The following AK4 variants were observed in gnomAD, a reference collection of about 807,000 sequenced individuals.
AK4 encodes adenylate kinase 4, also known as adenylate kinase 4, mitochondrial.
A neutral mutation model predicts 24.6 loss-of-function variants in AK4; 13 were observed. That is an observed-to-expected ratio of 0.53 (90% CI 0.34 to 0.84). The LOEUF is 0.84. AK4 is among the 40% of genes least tolerant of loss of function. The pLI is 0.01. For synonymous variants in AK4, 88 were observed against 107.0 expected (o/e 0.82, Z 1.10); for missense variants, 192 against 288.2 (o/e 0.67, Z 2.42).
intron 1 of AK4, among the ~76,000 whole-genome samples, chr1:65,171,986 C>G (rs953276211): frequency 5.4e-5 from 8 of 147,544 alleles, no homozygotes; most frequent in Non-Finnish European, 1.2e-4. Flanking sequence ...TGCTTGAACC[C>G]AGGCGCAGAG....
intron 1 of AK4, among the ~76,000 whole-genome samples, chr1:65,172,601 G>A (rs939490783): frequency 3.3e-5 from 5 of 152,016 alleles, no homozygotes; most frequent in African/African-American, 9.7e-5. Context: ...CACTACAGGC[G>A]GTTTGATTTA....
intron 2 of AK4, among the ~76,000 whole-genome samples, chr1:65,212,380 T>C (rs1208186442): frequency 6.6e-6 from 1 of 152,034 alleles, no homozygotes; most frequent in Non-Finnish European, 1.5e-5. Context: ...CACTGCAACC[T>C]CTGCCTCCTG....
intron 2 of AK4, among the ~76,000 whole-genome samples, chr1:65,193,101 G>A (rs535223645): frequency 6.6e-6 from 1 of 152,328 alleles, no homozygotes; most frequent in South Asian, 2.1e-4. Flanking sequence ...AGTTCCACTG[G>A]GCATTGTCCT....
intron 1 of AK4, chr1:65,148,975 A>G: frequency 6.6e-6 from 1 of 152,510 alleles, no homozygotes; most frequent in Non-Finnish European, 1.5e-5. Context: ...CCAGAGGCGG[A>G]GCGCCGCCCA....
chr1:65,154,048 T>C (rs1173723566), intron 1 of AK4, among the ~76,000 whole-genome samples: 4 of 152,178 alleles, frequency 2.6e-5, no homozygotes, highest in Non-Finnish European at 4.4e-5. Context: ...GGGTTTTCCA[T>C]AGGACAATGA....
chr1:65,225,007 G>A (rs1652411654), intron 4 of AK4, 137 bp downstream of exon 4: 6 of 605,034 alleles, frequency 9.9e-6, no homozygotes, highest in Non-Finnish European at 1.2e-5. Flanking sequence ...CTTCCCAGAA[G>A]TCAGATGAAA....
chr1:65,208,454 T>A (rs984886873), intron 2 of AK4, among the ~76,000 whole-genome samples: 1 of 152,190 alleles, frequency 6.6e-6, no homozygotes. Flanking sequence ...TGTGGAAGAA[T>A]AACCAACCAC....
chr1:65,227,014 T>TG lies in AK4; in HGVS notation c.*838dup, dbSNP rs1411635072. Reference sequence around the variant, plus strand: ...TTGACACTGTTCCTTTCTTTTATTGTGAAAAAAAAAAAAAACCCTGAAAGT... The same window carrying TG: ...TTGACACTGTTCCTTTCTTTTATTGTGGAAAAAAAAAAAAAACCCTGAAAGT... On this transcript the variant is annotated 3_prime_UTR_variant, in exon 5 of 5. Transcript: ENST00000327299. 13 of 71,306 alleles carry TG rather than the reference T, an allele frequency of 1.8e-4. No individual in the cohort carries two copies. In the East Asian group the frequency reaches 6.0e-3, roughly 33 times the overall value. 4.4% of individuals were successfully genotyped at this position (71,306 alleles called of 1,614,324 possible).
At chr1:65,199,377 A>G (rs1354101386) in intron 2 of AK4, among the ~76,000 whole-genome samples, 1 of 152,062 alleles carries the variant, frequency 6.6e-6, no homozygotes, top group Non-Finnish European at 1.5e-5. Flanking sequence ...GTGAAACCCC[A>G]TCTTTATTAA....
In AK4 at chr1:65,148,391, C is replaced by T. The variant is rs764043259; in HGVS notation, c.-17C>T. 2.7e-5 allele frequency: 41 copies of T among 1,527,176 alleles called. No homozygotes were observed. The highest frequency in any genetic ancestry group is 1.4e-5 in the African/African-American group (1 of 71,386). The allele number at this position is 1,527,176 out of a possible 1,614,324, so 94.6% of individuals were successfully genotyped here. ...GTCGGGGCTGCGCGTTTGACCGCCCCCCTCCTCGCGAAGGCAATGGCTTCC... is the reference window on the plus strand; with the variant it reads ...GTCGGGGCTGCGCGTTTGACCGCCCTCCTCCTCGCGAAGGCAATGGCTTCC... On this transcript the variant is annotated 5_prime_UTR_variant, in exon 1 of 5. Transcript: ENST00000327299.
intron 2 of AK4, among the ~76,000 whole-genome samples, chr1:65,200,856 G>A (rs981551097): frequency 1.3e-5 from 2 of 151,536 alleles, no homozygotes; most frequent in East Asian, 3.9e-4. Context: ...GTGCAATGGC[G>A]CGATCTTGGC....
chr1:65,211,978 G>A lies in AK4; in HGVS notation c.266-6776G>A, dbSNP rs144602823. ...GGAGCCAAGATTTGGAAGAGCTGAG[G>A]ATACACATGGGTATCTGGAGCAAAA... On this transcript the variant is annotated intron_variant, in intron 2 of 4. Transcript: ENST00000327299. Among the ~76,000 whole-genome samples, 5 of 152,294 alleles carry A rather than the reference G, an allele frequency of 3.3e-5. No individual in the cohort carries two copies. The East Asian group carries it at 9.7e-4, about 29-fold the overall frequency.
intron 1 of AK4, among the ~76,000 whole-genome samples, chr1:65,183,650 C>CGTGTGTGTGTGT (rs56067788): frequency 3.6e-5 from 5 of 140,732 alleles, no homozygotes; most frequent in African/African-American, 1.0e-4. Context: ...TATAAATATC[C>CGTGTGTGTGTGT]GTGTGTGTGT....
At chr1:65,202,889 T>TC (rs781312203) in intron 2 of AK4, among the ~76,000 whole-genome samples, 88 of 133,154 alleles carry the variant, frequency 6.6e-4, no homozygotes, top group Non-Finnish European at 1.2e-3. Flanking sequence ...TTTTTTTTTT[T>TC]AAGATGGGGT....
At chr1:65,155,451 C>T (rs879819827) in intron 1 of AK4, among the ~76,000 whole-genome samples, 12 of 151,884 alleles carry the variant, frequency 7.9e-5, no homozygotes, top group East Asian at 5.9e-4. Context: ...CCATCCTGGA[C>T]GGCAGAGCAA....
intron 1 of AK4, among the ~76,000 whole-genome samples, chr1:65,166,276 C>G (rs1162813697): frequency 6.7e-6 from 1 of 150,148 alleles, no homozygotes; most frequent in African/African-American, 2.5e-5. Flanking sequence ...GAATGTGGTG[C>G]TTTGAATGGA....
intron 1 of AK4, among the ~76,000 whole-genome samples, chr1:65,179,970 G>A (rs1169627003): frequency 1.3e-5 from 2 of 152,164 alleles, no homozygotes; most frequent in Admixed American, 1.3e-4. Flanking sequence ...TTAATCACAT[G>A]CAACTTTCAA....
At position 65,226,923 on chromosome 1, in the gene AK4, C is replaced by T. The variant is rs1652482236; in HGVS notation, c.*746C>T. ...TGAGAGCGATGGGGCTATATTGAAT[C>T]TCTGTATGCACTGAGAACTGAGCTA... On this transcript the variant is annotated 3_prime_UTR_variant, in exon 5 of 5. Transcript: ENST00000327299. 6.8e-6 allele frequency: 1 copy of T among 146,360 alleles called. No individual in the cohort carries two copies. The highest frequency in any genetic ancestry group is 6.9e-5 in the Admixed American group (1 of 14,544). The allele number at this position is 146,360 out of a possible 1,614,324, so 9.1% of individuals were successfully genotyped here. A position where few individuals can be genotyped will look rare whatever the true frequency, so the allele number is the denominator to read the frequency against.
chr1:65,213,130 G>A (rs536640515), intron 2 of AK4, among the ~76,000 whole-genome samples: 44 of 152,258 alleles, frequency 2.9e-4, no homozygotes, highest in Non-Finnish European at 4.1e-4. Flanking sequence ...CAGCCTGCAC[G>A]TGCACTAGTT....
Sources: allele counts gnomAD v4.1 joint callset (sites outside exome capture counted in the v4.1 genomes callset), GRCh38; gene constraint gnomAD v4.1.1; transcripts MANE v1.5; gene names NCBI Gene and HGNC (gene_info 2026-07-23, HGNC 2026-07-21).